ERC2: variants seen among roughly 807,000 people sequenced by gnomAD.
ERC2 encodes the protein ERC protein 2.
Under a neutral mutation model 114.8 loss-of-function variants are expected in ERC2, and 42 were observed. That is an observed-to-expected ratio of 0.37 (90% confidence interval 0.29 to 0.47). ERC2 has a LOEUF of 0.47. Among genes scored for constraint, ERC2 ranks in the 20% least tolerant of loss-of-function variants. The pLI is 0.99. For missense variants in ERC2, 939 were observed against 1,150.7 expected (o/e 0.82, Z 2.66); for synonymous variants, 454 against 425.5 (o/e 1.07, Z -0.82).
At chr3:56,004,927 T>C (rs778656094) in intron 10 of ERC2, among the ~76,000 whole-genome samples, 2 of 152,072 alleles carry the variant, frequency 1.3e-5, no homozygotes, top group Non-Finnish European at 2.9e-5. Flanking sequence ...TATATTCACA[T>C]ACTGTTGGCT....
At chr3:56,212,071 CA>C (rs557521095) in intron 3 of ERC2, among the ~76,000 whole-genome samples, 2 of 150,760 alleles carry the variant, frequency 1.3e-5, no homozygotes, top group African/African-American at 4.9e-5. Flanking sequence ...AAAGCAAACT[CA>C]AAAAAAACAA....
intron 13 of ERC2, among the ~76,000 whole-genome samples, chr3:55,906,431 C>CA (rs368262866): frequency 0.051 from 3,439 of 67,612 alleles, 143 homozygotes; most frequent in African/African-American, 0.13. Context: ...GACTCTGTCT[C>CA]AAAAAAAAAA....
chr3:56,356,755 T>C (rs74955006), intron 2 of ERC2, among the ~76,000 whole-genome samples: 25,997 of 152,194 alleles, frequency 0.17, 2,967 homozygotes, highest in Middle Eastern at 0.26. Flanking sequence ...CAATATTCTC[T>C]GGATACCAGA....
Position 55,567,919 on chromosome 3 carries a change from G to A in ERC2, c.*40-56643C>T, listed in dbSNP as rs562957060. Among the ~76,000 whole-genome samples, 4 of 152,262 alleles carry A rather than the reference G, an allele frequency of 2.6e-5. No homozygotes were observed. The South Asian group carries it at 8.3e-4, about 32-fold the overall frequency. ...CACTATCTGGTGAGTTTCACTCCTG[G>A]TGATGGCTTCCCTCTTTGGGCCCTT... is the stretch of plus-strand genomic sequence containing the variant. On this transcript the variant is annotated intron_variant, in intron 17 of 17. Coordinates refer to ENST00000288221, the MANE Select transcript of ERC2 (RefSeq NM_015576.3).
intron 6 of ERC2, among the ~76,000 whole-genome samples, chr3:56,110,098 G>A (rs1278712313): frequency 6.6e-6 from 1 of 152,116 alleles, no homozygotes; most frequent in African/African-American, 2.4e-5. Context: ...ACAAAGCATG[G>A]AAATATATTC....
intron 3 of ERC2, among the ~76,000 whole-genome samples, chr3:56,206,867 T>C (rs2048768340): frequency 1.3e-5 from 2 of 152,358 alleles, no homozygotes; most frequent in South Asian, 2.1e-4. Flanking sequence ...TTTTAACATA[T>C]TTAAGTACTT....
At chr3:56,314,116 A>G (rs896998267) in intron 2 of ERC2, among the ~76,000 whole-genome samples, 1 of 152,196 alleles carries the variant, frequency 6.6e-6, no homozygotes, top group African/African-American at 2.4e-5. Flanking sequence ...AAGATCTCTG[A>G]CTATGACATC....
chr3:56,273,850 A>G (rs2053820813), intron 3 of ERC2, among the ~76,000 whole-genome samples: 1 of 152,228 alleles, frequency 6.6e-6, no homozygotes, highest in Non-Finnish European at 1.5e-5. Context: ...TCTTCTGACA[A>G]GCGTATAAAA....
At chr3:55,738,959 G>C (rs1156686407) in intron 14 of ERC2, among the ~76,000 whole-genome samples, 2 of 152,070 alleles carry the variant, frequency 1.3e-5, no homozygotes, top group African/African-American at 2.4e-5. Context: ...CCCTCCCTGT[G>C]TCCATGTGTT....
intron 3 of ERC2, among the ~76,000 whole-genome samples, chr3:56,184,239 T>A (rs2083458269): frequency 6.6e-6 from 1 of 152,168 alleles, no homozygotes; most frequent in Non-Finnish European, 1.5e-5. Context: ...GCCAGTTGTG[T>A]TATGTTAGCA....
intron 17 of ERC2, among the ~76,000 whole-genome samples, chr3:55,637,639 T>C (rs2060011898): frequency 6.6e-6 from 1 of 152,240 alleles, no homozygotes. Context: ...TGGAGCCAGC[T>C]TTCAAATGCA....
intron 3 of ERC2, among the ~76,000 whole-genome samples, chr3:56,232,213 C>T (rs1327725551): frequency 6.6e-6 from 1 of 151,272 alleles, no homozygotes; most frequent in African/African-American, 2.4e-5. Context: ...AAGGAATCCT[C>T]CTGCCTCAGT....
intron 2 of ERC2, among the ~76,000 whole-genome samples, chr3:56,416,659 TAA>T (rs35915351): frequency 0.011 from 1,153 of 104,262 alleles, 26 homozygotes; most frequent in African/African-American, 0.038. Flanking sequence ...AAAACATGAT[TAA>T]AAAAAAAAAA....
intron 3 of ERC2, among the ~76,000 whole-genome samples, chr3:56,254,638 C>T (rs936067621): frequency 6.6e-6 from 1 of 152,188 alleles, no homozygotes; most frequent in Admixed American, 6.5e-5. Flanking sequence ...TGTGTCAAGT[C>T]CCGGGCCGGG....
At position 56,097,478 on chromosome 3, in the gene ERC2, C is replaced by T. The variant is rs78397121; in HGVS notation, c.1474-16494G>A. Among the ~76,000 whole-genome samples the T allele has an allele frequency of 1.6e-3, 250 of 152,106 alleles. 1 individual carries two copies. The highest frequency in any genetic ancestry group is 5.4e-3 in the African/African-American group (224 of 41,498). The stretch of plus-strand genomic sequence containing the variant: ...AAATCTGTTTCATCCTGCGAATTTT[C>T]TATTTCTGTGTGGGTTTGTGTGTGG... On this transcript the variant is annotated intron_variant, in intron 6 of 17. Coordinates refer to ENST00000288221, the MANE Select transcript of ERC2 (RefSeq NM_015576.3).
At chr3:56,008,866 G>A (rs1270374989) in intron 9 of ERC2, among the ~76,000 whole-genome samples, 1 of 152,120 alleles carries the variant, frequency 6.6e-6, no homozygotes, top group African/African-American at 2.4e-5. Flanking sequence ...CCTTCCAGTC[G>A]GCTTTTGCTG....
chr3:55,635,070 G>A (rs991038287), intron 17 of ERC2, among the ~76,000 whole-genome samples: 5 of 151,946 alleles, frequency 3.3e-5, no homozygotes, highest in African/African-American at 1.2e-4. Flanking sequence ...TAGTAGAGAC[G>A]GGGTTTCACC....
At chr3:55,943,931 G>C (rs2066970373) in intron 13 of ERC2, among the ~76,000 whole-genome samples, 2 of 152,074 alleles carry the variant, frequency 1.3e-5, no homozygotes, top group South Asian at 4.1e-4. Flanking sequence ...TTTAGGAAAG[G>C]ATCCACGTCT....
chr3:56,296,430 T>A lies in ERC2; in HGVS notation c.663A>T (p.Leu221=), dbSNP rs776627495. The A allele has an allele frequency of 6.2e-7, 1 of 1,609,012 alleles. No homozygotes were observed. Among genetic ancestry groups the A allele is most frequent in the East Asian group, 2.2e-5 (1 of 44,766 alleles). The change falls in exon 3 of 18, where the codon CTA becomes CTT. Residue 221 remains leucine (L), a synonymous_variant. Coordinates refer to ENST00000288221, the MANE Select transcript of ERC2 (RefSeq NM_015576.3). The stretch of plus-strand genomic sequence containing the variant: ...CTTGAAGGGCCTGGATTGTCAACTG[T>A]AGGTGCTGCAATGAGAAAGATGGAG... ...MRVSHEENQH[L]QLTIQALQDE...
Sources: allele counts gnomAD v4.1 joint callset (sites outside exome capture counted in the v4.1 genomes callset), GRCh38; gene constraint gnomAD v4.1.1; transcripts MANE v1.5; gene names NCBI Gene and HGNC (gene_info 2026-07-23, HGNC 2026-07-21).